PIK3CD: variants seen among roughly 807,000 people sequenced by gnomAD.
The protein encoded by PIK3CD is phosphatidylinositol-4,5-bisphosphate 3-kinase catalytic subunit delta, also known as phosphatidylinositol 4,5-bisphosphate 3-kinase catalytic subunit delta isoform.
Under a neutral mutation model 122.9 loss-of-function variants are expected in PIK3CD, and 20 were observed. That is an observed-to-expected ratio of 0.16 (90% CI 0.11 to 0.24). PIK3CD has a LOEUF of 0.24. Ranked by LOEUF, PIK3CD falls within the 10% of genes least tolerant of loss-of-function variation. PIK3CD has a pLI of 1.00. For missense variants in PIK3CD, 787 were observed against 1,406.3 expected (o/e 0.56, Z 7.04); for synonymous variants, 596 against 593.4 (o/e 1.00, Z -0.06).
At chr1:9,671,177 A>G (rs1645311829) in intron 1 of PIK3CD, among the ~76,000 whole-genome samples, 1 of 151,998 alleles carries the variant, frequency 6.6e-6, no homozygotes, top group African/African-American at 2.4e-5. Flanking sequence ...ATATCTCACT[A>G]CATCCTTGAT....
chr1:9,635,112 T>C, the PIK3CD span, among the ~76,000 whole-genome samples: 1 of 151,990 alleles, frequency 6.6e-6, no homozygotes, highest in African/African-American at 2.4e-5. Flanking sequence ...GCCAGCATAG[T>C]GAAACCCCCT....
chr1:9,699,370 C>G (rs967825681), intron 2 of PIK3CD, among the ~76,000 whole-genome samples: 14 of 152,132 alleles, frequency 9.2e-5, no homozygotes, highest in Admixed American at 1.3e-4. Context: ...CTGGCCTCGC[C>G]CCTTCCATTT....
rs1646604022 is a variant in PIK3CD, at chr1:9,700,957, A to G, written c.-33+9386A>G. 6.6e-6 allele frequency among the ~76,000 whole-genome samples: 1 copy of G among 151,992 alleles called. No individual in the cohort carries two copies. Among genetic ancestry groups the G allele is most frequent in the Non-Finnish European group, 1.5e-5 (1 of 67,990 alleles). The stretch of plus-strand genomic sequence containing the variant: ...TCCAGTGCTGTCTCCTTCTGGGTCA[A>G]GCCACTGTCATTAGTGGCACCGGCC... On this transcript the variant is annotated intron_variant, in intron 2 of 23. Coordinates refer to ENST00000377346, the MANE Select transcript of PIK3CD (RefSeq NM_005026.5). This position sits in a 1 kb window ranked among gnomAD's most constrained non-coding sequence, Gnocchi z 5.1.
At chr1:9,637,996 A>G in the PIK3CD span, among the ~76,000 whole-genome samples, 29,991 of 151,774 alleles carry the variant, frequency 0.2, 3,010 homozygotes, top group East Asian at 0.26. Context: ...AGTCCCAGCT[A>G]CTCGGGAGGC....
intron 1 of PIK3CD, among the ~76,000 whole-genome samples, chr1:9,660,445 T>G (rs747861247): frequency 2.4e-4 from 36 of 152,224 alleles, no homozygotes; most frequent in South Asian, 4.1e-4. Flanking sequence ...TCACTTAACA[T>G]TGGCTCATTA....
At chr1:9,707,929 G>C (rs1646903991) in intron 2 of PIK3CD, among the ~76,000 whole-genome samples, 1 of 149,660 alleles carries the variant, frequency 6.7e-6, no homozygotes, top group Non-Finnish European at 1.5e-5. Flanking sequence ...AAGTAGCTGG[G>C]ACTATGGGTG....
At chr1:9,694,816 G>A (rs1483234633) in intron 2 of PIK3CD, among the ~76,000 whole-genome samples, 1 of 152,104 alleles carries the variant, frequency 6.6e-6, no homozygotes, top group Non-Finnish European at 1.5e-5. Flanking sequence ...TAAAAAACAA[G>A]CCAGGTATTG....
chr1:9,697,600 G>A (rs1009918247), intron 2 of PIK3CD, among the ~76,000 whole-genome samples: 3 of 151,868 alleles, frequency 2.0e-5, no homozygotes, highest in Non-Finnish European at 2.9e-5. Flanking sequence ...TGGGTATGTG[G>A]TGTGCACCTG....
In PIK3CD at chr1:9,718,271, G is replaced by C; in HGVS notation, c.1021-423G>C. 2.2e-6 allele frequency: 1 copy of C among 463,986 alleles called. No homozygotes were observed. The highest frequency in any genetic ancestry group is 4.3e-6 in the Non-Finnish European group (1 of 234,470). 28.7% of individuals were successfully genotyped at this position (463,986 alleles called of 1,614,324 possible). A position where few individuals can be genotyped will look rare whatever the true frequency, so the allele number is the denominator to read the frequency against. ...CTGGATCAGAGGGACTTCCAGGGTG[G>C]TGGTGTCAGGTGGAATTGGAAGGGG... On this transcript the variant is annotated intron_variant, in intron 8 of 23. Coordinates refer to ENST00000377346, the MANE Select transcript of PIK3CD (RefSeq NM_005026.5). The surrounding 1 kb of genome is among the most constrained non-coding windows in gnomAD (Gnocchi z 7.2).
intron 1 of PIK3CD, among the ~76,000 whole-genome samples, chr1:9,691,129 C>T (rs1646182563): frequency 6.6e-6 from 1 of 152,242 alleles, no homozygotes. Flanking sequence ...AACTCGAACC[C>T]AGGCTTGGCT....
At chr1:9,697,690 G>T (rs184844511) in intron 2 of PIK3CD, among the ~76,000 whole-genome samples, 1 of 150,676 alleles carries the variant, frequency 6.6e-6, no homozygotes, top group Admixed American at 6.6e-5. Context: ...TCATGATCAC[G>T]CCATTGCACT....
rs769501090 is a variant in PIK3CD, at chr1:9,654,091, C to A, written c.-138+2289C>A. On this transcript the variant is annotated intron_variant, in intron 1 of 23. Coordinates refer to ENST00000377346, the MANE Select transcript of PIK3CD (RefSeq NM_005026.5). Reference sequence around the variant, plus strand: ...ATCTCTGAGAAACATAATACAACAACCCAGTTGCCTGCTCCAGAGACAACT... The same window carrying A: ...ATCTCTGAGAAACATAATACAACAAACCAGTTGCCTGCTCCAGAGACAACT... 4.3e-6 allele frequency: 5 copies of A among 1,171,956 alleles called. No homozygotes were observed. In the South Asian group the frequency reaches 6.3e-5, roughly 15 times the overall value. The allele number at this position is 1,171,956 out of a possible 1,614,324, so 72.6% of individuals were successfully genotyped here. A position where few individuals can be genotyped will look rare whatever the true frequency, so the allele number is the denominator to read the frequency against.
rs757377156 is a variant in PIK3CD, at chr1:9,720,230, C to G, written c.1458C>G (p.Pro486=). 6.2e-7 allele frequency: 1 copy of G among 1,606,390 alleles called. No individual in the cohort carries two copies. Among genetic ancestry groups the G allele is most frequent in the Non-Finnish European group, 8.5e-7 (1 of 1,175,020 alleles). Residue 486 remains proline, a synonymous_variant, in exon 11 of 24, where the codon CCC becomes CCG. Coordinates refer to ENST00000377346, the MANE Select transcript of PIK3CD (RefSeq NM_005026.5). The surrounding 1 kb of genome is among the most constrained non-coding windows in gnomAD (Gnocchi z 9.0). ...TGGCCCCGCACCCCGTGTACTACCC[C>G]GCCCTGGAGAAGGTCAGTGGGGGCC... is the stretch of plus-strand genomic sequence containing the variant. The part of the protein sequence containing the change: ...PEVAPHPVYY[P]ALEKILELGR...
At chr1:9,698,723 G>A (rs1405612341) in intron 2 of PIK3CD, among the ~76,000 whole-genome samples, 1 of 152,162 alleles carries the variant, frequency 6.6e-6, no homozygotes. Flanking sequence ...CTGAGACCAT[G>A]GATGTTTCTT....
At chr1:9,654,435 A>G in intron 1 of PIK3CD, 1 of 1,366,628 alleles carries the variant, frequency 7.3e-7, no homozygotes, top group South Asian at 1.1e-5. Flanking sequence ...CTGGGAGGGC[A>G]TCAGCCCCTG....
At chr1:9,632,012 T>G in the PIK3CD span, among the ~76,000 whole-genome samples, 1 of 151,874 alleles carries the variant, frequency 6.6e-6, no homozygotes, top group Non-Finnish European at 1.5e-5. Context: ...TCTTTCTTTT[T>G]TTTATTTTTG....
chr1:9,654,012 A>G (rs920728538), intron 1 of PIK3CD: 1 of 1,306,716 alleles, frequency 7.7e-7, no homozygotes, highest in African/African-American at 1.5e-5. Context: ...TCAAGGTTGC[A>G]GTAAGCTATT....
At chr1:9,671,396 G>T (rs991930367) in intron 1 of PIK3CD, among the ~76,000 whole-genome samples, 1 of 152,122 alleles carries the variant, frequency 6.6e-6, no homozygotes, top group Non-Finnish European at 1.5e-5. Context: ...ACCAGGCCTG[G>T]CCTGTCCGGG....
At chr1:9,643,041 T>A in the PIK3CD span, among the ~76,000 whole-genome samples, 1 of 151,294 alleles carries the variant, frequency 6.6e-6, no homozygotes, top group African/African-American at 2.4e-5. Flanking sequence ...GTTACACCAC[T>A]GCACTCCAGC....
Sources: allele counts gnomAD v4.1 joint callset (sites outside exome capture counted in the v4.1 genomes callset), GRCh38; gene constraint gnomAD v4.1.1; non-coding constraint Gnocchi (gnomAD v3.1); transcripts MANE v1.5; gene names NCBI Gene and HGNC (gene_info 2026-07-23, HGNC 2026-07-21).